The following SORD variants were observed in gnomAD, a reference collection of about 807,000 sequenced individuals.
SORD encodes sorbitol dehydrogenase.
Under a neutral mutation model 35.6 loss-of-function variants are expected in SORD, and 18 were observed. That is an observed-to-expected ratio of 0.51 (90% confidence interval 0.35 to 0.75). SORD has a LOEUF of 0.75. SORD is among the 30% of genes least tolerant of loss of function. The pLI, the probability that SORD is intolerant of heterozygous loss-of-function variation, is 0.01. For synonymous variants in SORD, 106 were observed against 152.9 expected (o/e 0.69, Z 2.26); for missense variants, 250 against 390.2 (o/e 0.64, Z 3.03).
chr15:45,069,074 T>C, intron 7 of SORD, 22 bp downstream of exon 7: 16 of 1,591,056 alleles, frequency 1.0e-5, no homozygotes, highest in Non-Finnish European at 1.4e-5. Context: ...GAGGGCAGCT[T>C]TGGGGAATCA....
chr15:45,057,919 G>A (rs986622822), intron 3 of SORD, among the ~76,000 whole-genome samples: 1 of 152,174 alleles, frequency 6.6e-6, no homozygotes, highest in Non-Finnish European at 1.5e-5. Context: ...ATCATTGGGG[G>A]ACAAAAAGGT....
intron 3 of SORD, chr15:45,050,785 T>C (rs1893112260): frequency 6.6e-6 from 1 of 152,240 alleles, no homozygotes; most frequent in Non-Finnish European, 1.5e-5. Flanking sequence ...GAAACAAACA[T>C]ACTCCAAATT....
intron 3 of SORD, chr15:45,058,837 T>C (rs1268716108): frequency 6.6e-6 from 1 of 152,238 alleles, no homozygotes; most frequent in African/African-American, 2.4e-5. Context: ...CTTTTCTCTG[T>C]AGCTACCTGT....
chr15:45,034,682 A>C (rs538928164), intron 1 of SORD, among the ~76,000 whole-genome samples: 2 of 152,166 alleles, frequency 1.3e-5, no homozygotes, highest in Non-Finnish European at 2.9e-5. Context: ...GGCAGTCCTC[A>C]CAGCCCTCTT....
chr15:45,056,381 T>C (rs1318512152), intron 3 of SORD, among the ~76,000 whole-genome samples: 1 of 152,124 alleles, frequency 6.6e-6, no homozygotes, highest in East Asian at 1.9e-4. Context: ...GAACTCCCAT[T>C]CACAATTGCT....
At chr15:45,037,427 G>A (rs938098921) in intron 1 of SORD, among the ~76,000 whole-genome samples, 1 of 152,182 alleles carries the variant, frequency 6.6e-6, no homozygotes, top group Non-Finnish European at 1.5e-5. Flanking sequence ...TCGAAATGGG[G>A]CGTTCAGGTC....
chr15:45,035,099 C>A (rs1366854119), intron 1 of SORD, among the ~76,000 whole-genome samples: 1 of 152,158 alleles, frequency 6.6e-6, no homozygotes, highest in East Asian at 1.9e-4. Context: ...CTGCAGCCCG[C>A]CATGCCTGAC....
chr15:45,052,557 C>T (rs969537362), intron 3 of SORD, among the ~76,000 whole-genome samples: 4 of 152,122 alleles, frequency 2.6e-5, no homozygotes, highest in African/African-American at 9.7e-5. Flanking sequence ...AAAACTCTGA[C>T]TCTAAATTTT....
chr15:45,044,078 T>C (rs1189554304), intron 3 of SORD, among the ~76,000 whole-genome samples: 1 of 152,202 alleles, frequency 6.6e-6, no homozygotes, highest in Admixed American at 6.5e-5. Flanking sequence ...GTTATAAAGG[T>C]CTCTGAGCCC....
At chr15:45,023,832 A>G (rs934808090) in intron 1 of SORD, among the ~76,000 whole-genome samples, 6 of 152,100 alleles carry the variant, frequency 3.9e-5, no homozygotes, top group African/African-American at 2.4e-5. Context: ...TGATGATCAC[A>G]AGAGTACTCA....
chr15:45,027,748 A>G (rs1892698970), intron 1 of SORD, among the ~76,000 whole-genome samples: 1 of 152,282 alleles, frequency 6.6e-6, no homozygotes, highest in African/African-American at 2.4e-5. Flanking sequence ...TTATGGATTC[A>G]TGAAGTTAGA....
intron 1 of SORD, among the ~76,000 whole-genome samples, chr15:45,032,581 G>A (rs1016620369): frequency 1.5e-4 from 23 of 152,276 alleles, no homozygotes; most frequent in African/African-American, 5.1e-4. Context: ...TGAGATGGGG[G>A]TGTGGTGGCC....
At chr15:45,069,311 A>C (rs1439532687) in intron 7 of SORD, among the ~76,000 whole-genome samples, 2 of 135,226 alleles carry the variant, frequency 1.5e-5, no homozygotes, top group Admixed American at 1.8e-4. Flanking sequence ...GGTTCACGCC[A>C]TTTTCCTGCC....
At chr15:45,023,625 TTCTC>T (rs1274552718) in intron 1 of SORD, among the ~76,000 whole-genome samples, 2 of 152,232 alleles carry the variant, frequency 1.3e-5, no homozygotes, top group Admixed American at 6.5e-5. Context: ...GAATGAAGCT[TTCTC>T]TCTCCTTTGC....
chr15:45,062,733 A>G (rs1893340955), intron 4 of SORD, among the ~76,000 whole-genome samples: 1 of 136,060 alleles, frequency 7.3e-6, no homozygotes, highest in African/African-American at 2.6e-5. Flanking sequence ...AAGACACCAA[A>G]CGAAAGTTTC....
At chr15:45,061,357 T>C in intron 4 of SORD, 131 bp downstream of exon 4, 2 of 974,254 alleles carry the variant, frequency 2.1e-6, no homozygotes, top group South Asian at 1.6e-5. Context: ...CTGGACAGGC[T>C]ACTCTTCTTG....
chr15:45,057,888 C>G (rs1397096689), intron 3 of SORD, among the ~76,000 whole-genome samples: 1 of 152,238 alleles, frequency 6.6e-6, no homozygotes, highest in South Asian at 2.1e-4. Flanking sequence ...AATATCCTCC[C>G]ATACAGTGCC....
chr15:45,061,029 AC>A, intron 3 of SORD, 37 bp from the exon 4 acceptor site: 1 of 1,613,392 alleles, frequency 6.2e-7, no homozygotes. Flanking sequence ...CTCTGCTCCC[AC>A]CCTCGGACAT....
rs1205264007 is a variant in SORD at position 45,074,268 on chromosome 15, G to A, written c.*738G>A. On this transcript the variant is annotated 3_prime_UTR_variant, in exon 9 of 9. Coordinates refer to ENST00000267814, the MANE Select transcript of SORD (RefSeq NM_003104.6). The stretch of plus-strand genomic sequence containing the variant: ...GTGTTATTTCACTTGCCAAGTGAAG[G>A]ACCCCCTCCCCAACATGCCCCAGCC... 2 of 147,502 alleles carry A rather than the reference G, an allele frequency of 1.4e-5. No homozygotes were observed. Among genetic ancestry groups the A allele is most frequent in the Non-Finnish European group, 3.0e-5 (2 of 67,574 alleles). The allele number at this position is 147,502 out of a possible 1,614,324, so 9.1% of individuals were successfully genotyped here.
Sources: allele counts gnomAD v4.1 joint callset (sites outside exome capture counted in the v4.1 genomes callset), GRCh38; gene constraint gnomAD v4.1.1; transcripts MANE v1.5; gene names NCBI Gene and HGNC (gene_info 2026-07-23, HGNC 2026-07-21).